The following RBM20 variants were observed in gnomAD, a reference collection of about 807,000 sequenced individuals.
The protein encoded by RBM20 is RNA-binding protein 20.
RBM20 carries 51 observed loss-of-function variants against 110.1 expected under a neutral mutation model. The ratio of observed to expected loss-of-function variants is 0.46; its 90% CI spans 0.37 to 0.59. The LOEUF (loss-of-function observed/expected upper bound fraction) is 0.59, where lower values mean the gene tolerates loss of function less well. RBM20 is among the 20% of genes least tolerant of loss of function. The pLI, the probability that RBM20 is intolerant of heterozygous loss-of-function variation, is 0.00. For missense variants in RBM20, 1,512 were observed against 1,574.9 expected, an observed-to-expected ratio of 0.96 and a Z score of 0.68; for synonymous variants, 589 against 618.2, an observed-to-expected ratio of 0.95 and a Z score of 0.70.
At chr10:110,717,706 A>G (rs1849524994) in intron 1 of RBM20, among the ~76,000 whole-genome samples, 1 of 152,178 alleles carries the variant, frequency 6.6e-6, no homozygotes, top group African/African-American at 2.4e-5. Context: ...TGCCTGCCAC[A>G]GTTTCCCATC....
In RBM20 at chr10:110,802,000, T is replaced by C. The variant is rs539130225; in HGVS notation, c.1800+2082T>C. On this transcript the variant is annotated intron_variant, in intron 7 of 13. Transcript: ENST00000369519. ...TTTTCTTTTGCATTGTGTCTTCTTA[T>C]TGGTTTGCAGGAGTTCTCTTAACTG... Among the ~76,000 whole-genome samples, 15 of 152,330 alleles carry C rather than the reference T, an allele frequency of 9.8e-5. 1 individual carries two copies. In the South Asian group the frequency reaches 3.1e-3, roughly 32 times the overall value.
rs1011562189 is a variant in RBM20 at position 110,839,009 on chromosome 10, C to A, written c.*3031C>A. ...AAGCTTTTCTTCAGTGTTTTGTCAA[C>A]CATTTCAAAGTGTCTCCCAAAAAAG... On this transcript the variant is annotated 3_prime_UTR_variant, in exon 14 of 14. Transcript: ENST00000369519. 6.6e-6 allele frequency: 1 copy of A among 152,170 alleles called. No homozygotes were observed. The highest frequency in any genetic ancestry group is 1.5e-5 in the Non-Finnish European group (1 of 68,034). 9.4% of individuals were successfully genotyped at this position (152,170 alleles called of 1,614,324 possible). A position where few individuals can be genotyped will look rare whatever the true frequency, so the allele number is the denominator to read the frequency against.
At chr10:110,804,872 T>G (rs979977408) in intron 7 of RBM20, among the ~76,000 whole-genome samples, 1 of 151,968 alleles carries the variant, frequency 6.6e-6, no homozygotes, top group Middle Eastern at 3.4e-3. Flanking sequence ...GTGGGGGGAG[T>G]CCTCTTGCCC....
At chr10:110,807,636 T>C (rs1301830374) in intron 7 of RBM20, among the ~76,000 whole-genome samples, 1 of 152,164 alleles carries the variant, frequency 6.6e-6, no homozygotes, top group Non-Finnish European at 1.5e-5. Flanking sequence ...CTGCCATGGG[T>C]AATCTGCAAA....
chr10:110,787,045 A>G (rs1200211439), intron 5 of RBM20, among the ~76,000 whole-genome samples: 1 of 152,224 alleles, frequency 6.6e-6, no homozygotes, highest in Non-Finnish European at 1.5e-5. Flanking sequence ...ACTTGGCTCT[A>G]GGGACCTAAG....
intron 1 of RBM20, among the ~76,000 whole-genome samples, chr10:110,741,699 A>G (rs1171099427): frequency 6.6e-6 from 1 of 152,124 alleles, no homozygotes; most frequent in Non-Finnish European, 1.5e-5. Flanking sequence ...CCCAGTAGCT[A>G]TGTACCTGAG....
chr10:110,738,839 G>A lies in RBM20; in HGVS notation c.192-41962G>A, dbSNP rs77575368. On this transcript the variant is annotated intron_variant, in intron 1 of 13. Transcript: ENST00000369519. ...GGTGGCGAGGCTGACATTGGGGTTG[G>A]GGCTGCAGCCTTTGTGCCTGTGATG... Among the ~76,000 whole-genome samples, 10 of 152,234 alleles carry A rather than the reference G, an allele frequency of 6.6e-5. No homozygotes were observed. The East Asian group carries it at 1.9e-3, about 29-fold the overall frequency.
chr10:110,652,514 A>G (rs1334976093), intron 1 of RBM20, among the ~76,000 whole-genome samples: 2 of 152,202 alleles, frequency 1.3e-5, no homozygotes, highest in African/African-American at 4.8e-5. Flanking sequence ...TCATTTTTAA[A>G]AACAGCAACA....
At chr10:110,814,107 G>A (rs1478943806) in intron 9 of RBM20, among the ~76,000 whole-genome samples, 1 of 144,142 alleles carries the variant, frequency 6.9e-6, no homozygotes, top group African/African-American at 2.7e-5. Context: ...ATTCTGACCT[G>A]GGAGTTGGTG....
intron 1 of RBM20, among the ~76,000 whole-genome samples, chr10:110,771,456 C>T (rs1399180643): frequency 1.3e-5 from 2 of 152,160 alleles, no homozygotes; most frequent in African/African-American, 4.8e-5. Flanking sequence ...TTATTGGTTC[C>T]ACACACCTAC....
At chr10:110,784,458 G>C in intron 4 of RBM20, 26 bp downstream of exon 4, 1 of 1,522,532 alleles carries the variant, frequency 6.6e-7, no homozygotes, top group Non-Finnish European at 8.9e-7. Flanking sequence ...CAGGTCAGCA[G>C]CTTGAAGCAG....
intron 1 of RBM20, among the ~76,000 whole-genome samples, chr10:110,669,446 T>G (rs1169441069): frequency 6.6e-6 from 1 of 152,242 alleles, no homozygotes; most frequent in African/African-American, 2.4e-5. Flanking sequence ...CTGAAAAGCC[T>G]CTTATGGTTT....
intron 1 of RBM20, among the ~76,000 whole-genome samples, chr10:110,708,862 G>T (rs1207558276): frequency 2.6e-5 from 4 of 152,188 alleles, no homozygotes; most frequent in East Asian, 1.9e-4. Context: ...TCAAGAAATG[G>T]CTTGGAATGA....
intron 1 of RBM20, among the ~76,000 whole-genome samples, chr10:110,708,831 C>G (rs752443061): frequency 2.6e-5 from 4 of 152,082 alleles, no homozygotes; most frequent in African/African-American, 7.2e-5. Flanking sequence ...CTGAGGGCAA[C>G]CACAGAAAAT....
intron 1 of RBM20, among the ~76,000 whole-genome samples, chr10:110,692,490 C>CT (rs1012240448): frequency 2.0e-5 from 3 of 152,052 alleles, no homozygotes; most frequent in African/African-American, 7.2e-5. Flanking sequence ...CTAGTTTATT[C>CT]TTTTTGATGC....
chr10:110,832,489 T>C (rs1845069811), intron 13 of RBM20, among the ~76,000 whole-genome samples: 2 of 152,148 alleles, frequency 1.3e-5, no homozygotes, highest in Non-Finnish European at 2.9e-5. Context: ...TGCAGGAATA[T>C]GTAATTTGAG....
chr10:110,751,776 A>G (rs1219319380), intron 1 of RBM20, among the ~76,000 whole-genome samples: 1 of 152,182 alleles, frequency 6.6e-6, no homozygotes, highest in African/African-American at 2.4e-5. Flanking sequence ...AAGGACCAAT[A>G]TTGTAAAATA....
chr10:110,667,941 T>C (rs1862203010), intron 1 of RBM20, among the ~76,000 whole-genome samples: 1 of 152,184 alleles, frequency 6.6e-6, no homozygotes, highest in African/African-American at 2.4e-5. Flanking sequence ...AGCCCTGATT[T>C]ACGAACTGTC....
chr10:110,792,178 TCTATCTATCTA>T (rs1844493177), intron 5 of RBM20, among the ~76,000 whole-genome samples: 1 of 151,932 alleles, frequency 6.6e-6, no homozygotes, highest in Non-Finnish European at 1.5e-5. Context: ...TATCTATCTA[TCTATCTATCTA>T]TGTATCCATC....
Sources: allele counts gnomAD v4.1 joint callset (sites outside exome capture counted in the v4.1 genomes callset), GRCh38; gene constraint gnomAD v4.1.1; transcripts MANE v1.5; gene names NCBI Gene and HGNC (gene_info 2026-07-23, HGNC 2026-07-21).